The following DHX35 variants were observed in gnomAD, a reference collection of about 807,000 sequenced individuals.
DHX35 encodes the protein DEAH-box helicase 35.
A neutral mutation model predicts 99.6 loss-of-function variants in DHX35; 84 were observed. The ratio of observed to expected loss-of-function variants is 0.84; its 90% CI spans 0.71 to 1.01. The LOEUF (loss-of-function observed/expected upper bound fraction) is 1.01, where lower values mean the gene tolerates loss of function less well. Ranked by LOEUF, DHX35 falls within the 50% of genes least tolerant of loss-of-function variation. The pLI is 0.00. For missense variants in DHX35, 852 were observed against 888.5 expected, an observed-to-expected ratio of 0.96 and a Z score of 0.52; for synonymous variants, 331 against 316.2, an observed-to-expected ratio of 1.05 and a Z score of -0.50.
At position 38,969,173 on chromosome 20, in the gene DHX35, C is replaced by G. The variant is rs944217054; in HGVS notation, c.133C>G (p.Leu45Val). The G allele has an allele frequency of 1.9e-6, 3 of 1,613,322 alleles. No individual in the cohort carries two copies. In the African/African-American group the frequency reaches 4.0e-5, roughly 22 times the overall value. ...GGTTGTTTACAACCCTTATGCTGCCCTTTCCATAGAGCAGCAGAGGCAGAA... is the reference window on the plus strand; with the variant it reads ...GGTTGTTTACAACCCTTATGCTGCCGTTTCCATAGAGCAGCAGAGGCAGAA... Reference protein sequence around the residue: ...TTVVYNPYAALSIEQQRQKLP... With the variant: ...TTVVYNPYAAVSIEQQRQKLP... Residue 45 changes from leucine to valine, a missense_variant, in exon 2 of 22, where the codon CTT becomes GTT. By Grantham distance (32) the Leu-to-Val change is conservative. Transcript: ENST00000252011.
chr20:39,032,843 GC>G (rs1202084799), intron 20 of DHX35, among the ~76,000 whole-genome samples: 1 of 152,146 alleles, frequency 6.6e-6, no homozygotes, highest in Non-Finnish European at 1.5e-5. Context: ...TTATCCTGTA[GC>G]CACTGCAGAC....
intron 3 of DHX35, 87 bp from the exon 4 acceptor site, chr20:38,983,612 A>G: frequency 1.8e-6 from 2 of 1,088,692 alleles, no homozygotes; most frequent in Non-Finnish European, 2.7e-6. Flanking sequence ...TTTCTTAGTG[A>G]TTTTAACACA....
intron 1 of DHX35, among the ~76,000 whole-genome samples, chr20:38,968,863 G>A (rs2085949647): frequency 6.6e-6 from 1 of 152,234 alleles, no homozygotes; most frequent in African/African-American, 2.4e-5. Flanking sequence ...TGTCTTGTTT[G>A]TTTTTGACAC....
At chr20:38,967,379 G>GTA (rs2085925896) in intron 1 of DHX35, among the ~76,000 whole-genome samples, 1 of 152,218 alleles carries the variant, frequency 6.6e-6, no homozygotes, top group Middle Eastern at 3.2e-3. Flanking sequence ...GCAGGAGGCT[G>GTA]TATAGCATGT....
chr20:39,021,184 C>T (rs2086866813), intron 15 of DHX35, among the ~76,000 whole-genome samples: 1 of 152,204 alleles, frequency 6.6e-6, no homozygotes, highest in South Asian at 2.1e-4. Flanking sequence ...AAGGAAGCCA[C>T]TTCATAGAAG....
intron 1 of DHX35, among the ~76,000 whole-genome samples, chr20:38,967,361 G>A (rs2085925664): frequency 6.6e-6 from 1 of 152,284 alleles, no homozygotes; most frequent in Admixed American, 6.5e-5. Context: ...TATCACTGTA[G>A]TGCCCCAGCA....
chr20:39,027,871 A>T (rs914487413), intron 18 of DHX35, among the ~76,000 whole-genome samples: 1 of 152,256 alleles, frequency 6.6e-6, no homozygotes, highest in Non-Finnish European at 1.5e-5. Context: ...TATGGACATC[A>T]TCTAATAGTG....
rs113441367 is a variant in DHX35, at chr20:39,026,015, A to C, written c.1801+656A>C. ...TAAATTCAGGACCACGCAACTGGTA[A>C]GGAGGAGAGCCAGATCTGTATGTGG... On this transcript the variant is annotated intron_variant, in intron 18 of 21. Coordinates refer to ENST00000252011, the MANE Select transcript of DHX35 (RefSeq NM_021931.4). 2.3e-3 allele frequency among the ~76,000 whole-genome samples: 352 copies of C among 152,246 alleles called. 2 individuals carry two copies. The highest frequency in any genetic ancestry group is 8.3e-3 in the African/African-American group (343 of 41,494).
At position 39,022,838 on chromosome 20, in the gene DHX35, T is replaced by C. The variant is rs561791925; in HGVS notation, c.1594-852T>C. Among the ~76,000 whole-genome samples, 4 of 152,330 alleles carry C rather than the reference T, an allele frequency of 2.6e-5. No homozygotes were observed. The South Asian group carries it at 8.3e-4, about 32-fold the overall frequency. On this transcript the variant is annotated intron_variant, in intron 16 of 21. Transcript: ENST00000252011. Reference sequence around the variant, plus strand: ...CAAGTTTTGATACTGAAGAGATAGATACTCAGAAGTAAGGTGTGTTGATAG... The same window carrying C: ...CAAGTTTTGATACTGAAGAGATAGACACTCAGAAGTAAGGTGTGTTGATAG...
intron 4 of DHX35, among the ~76,000 whole-genome samples, chr20:38,987,264 C>T (rs868782579): frequency 5.3e-5 from 8 of 151,954 alleles, no homozygotes; most frequent in South Asian, 4.1e-4. Context: ...TGTTTTTTGA[C>T]ACAGTCTCTT....
At position 39,001,824 on chromosome 20, in the gene DHX35, A is replaced by G. The variant is rs2086525038; in HGVS notation, c.737A>G (p.Asp246Gly). Reference protein sequence around the residue: ...LTVEGRTFPVDIFYLQSPVPD... With the variant: ...LTVEGRTFPVGIFYLQSPVPD... ...GTGGAAGGGAGAACATTTCCGGTGG[A>G]TATCTTTTATCTACAAAGGTTTGAT... The change falls in exon 9 of 22, where the codon GAT (aspartate) becomes GGT (glycine). Residue 246 changes from aspartate (D) to glycine (G), a missense_variant. By Grantham distance (94) the Asp-to-Gly change is moderately conservative (BLOSUM62 -1). Transcript: ENST00000252011. 2 of 1,612,472 alleles carry G rather than the reference A, an allele frequency of 1.2e-6. No homozygotes were observed. Among genetic ancestry groups the G allele is most frequent in the Middle Eastern group, 1.7e-4 (1 of 6,054 alleles).
chr20:39,010,348 A>G lies in DHX35; in HGVS notation c.1291A>G (p.Ile431Val). The change falls in exon 13 of 22, where the codon ATC becomes GTC. Residue 431 changes from isoleucine to valine, a missense_variant. Transcript: ENST00000252011. ...GCAGCGTAGTAATTTGGCACCTGTC[A>G]TCCTGCAGCTGAAAGCACTAGGAAT... ...EMQRSNLAPV[I>V]LQLKALGIDN... 6.2e-7 allele frequency: 1 copy of G among 1,614,168 alleles called. No homozygotes were observed. Among genetic ancestry groups the G allele is most frequent in the South Asian group, 1.1e-5 (1 of 91,088 alleles).
At chr20:38,975,005 C>T (rs1487836298) in intron 3 of DHX35, among the ~76,000 whole-genome samples, 2 of 152,180 alleles carry the variant, frequency 1.3e-5, no homozygotes, top group South Asian at 2.1e-4. Flanking sequence ...ATAAAAATCC[C>T]TTTGCATATT....
At chr20:38,974,788 C>T (rs2086052105) in intron 3 of DHX35, among the ~76,000 whole-genome samples, 1 of 152,044 alleles carries the variant, frequency 6.6e-6, no homozygotes, top group African/African-American at 2.4e-5. Flanking sequence ...GAATGGCAGC[C>T]AGGGAAATGA....
intron 14 of DHX35, 115 bp from the exon 15 acceptor site, chr20:39,018,689 T>A: frequency 9.7e-7 from 1 of 1,026,284 alleles, no homozygotes; most frequent in Non-Finnish European, 1.5e-6. Flanking sequence ...GCATGAATCA[T>A]CTTTTGGATA....
Position 39,018,786 on chromosome 20 carries a change from T to C in DHX35, c.1403-18T>C, listed in dbSNP as rs1349004259. ...AATGGTACCTGCCTTCTGATTTCTT[T>C]TGTTGTTCTTATGGCAGGTCTGGAC... On this transcript the variant is annotated intron_variant, in intron 14 of 21. Coordinates refer to ENST00000252011, the MANE Select transcript of DHX35 (RefSeq NM_021931.4). The C allele has an allele frequency of 2.5e-6, 4 of 1,612,172 alleles. No homozygotes were observed. The South Asian group carries it at 4.4e-5, about 18-fold the overall frequency.
chr20:39,018,547 A>C (rs1362684997), intron 14 of DHX35, among the ~76,000 whole-genome samples: 2 of 151,900 alleles, frequency 1.3e-5, no homozygotes, highest in African/African-American at 2.4e-5. Flanking sequence ...GGATTTCCTT[A>C]TAATTAAGTC....
intron 3 of DHX35, among the ~76,000 whole-genome samples, chr20:38,979,841 T>A (rs1290011406): frequency 6.9e-6 from 1 of 145,350 alleles, no homozygotes; most frequent in African/African-American, 2.6e-5. Flanking sequence ...TTTTTTTTTT[T>A]ACTAGAGTTC....
At chr20:38,994,005 C>T (rs943688019) in intron 7 of DHX35, among the ~76,000 whole-genome samples, 1 of 152,174 alleles carries the variant, frequency 6.6e-6, no homozygotes, top group Non-Finnish European at 1.5e-5. Flanking sequence ...CTAGCCCCCT[C>T]AGCCAGGCAT....
Sources: allele counts gnomAD v4.1 joint callset (sites outside exome capture counted in the v4.1 genomes callset), GRCh38; gene constraint gnomAD v4.1.1; transcripts MANE v1.5; gene names NCBI Gene and HGNC (gene_info 2026-07-23, HGNC 2026-07-21).